The following PRICKLE1 variants were observed in gnomAD, a reference collection of about 807,000 sequenced individuals.
PRICKLE1 encodes prickle planar cell polarity protein 1.
Under a neutral mutation model 70.2 loss-of-function variants are expected in PRICKLE1, and 14 were observed. The observed-to-expected ratio is 0.20, with a 90% CI of 0.13 to 0.31. PRICKLE1 has a LOEUF of 0.31. PRICKLE1 is among the 10% of genes least tolerant of loss of function. The probability of loss-of-function intolerance (pLI) is 1.00; values close to 1 mark genes in which losing one functional copy is unlikely to be tolerated. For missense variants in PRICKLE1, 821 were observed against 1,026.2 expected (o/e 0.80, Z 2.73); for synonymous variants, 357 against 379.9 (o/e 0.94, Z 0.70).
At chr12:42,568,760 A>T (rs1021624001) in intron 1 of PRICKLE1, among the ~76,000 whole-genome samples, 3 of 152,216 alleles carry the variant, frequency 2.0e-5, no homozygotes, top group Admixed American at 1.3e-4. Context: ...ATGATGGCGA[A>T]GTCTAGTCTT....
intron 1 of PRICKLE1, among the ~76,000 whole-genome samples, chr12:42,534,405 C>T (rs1939982537): frequency 1.3e-5 from 2 of 152,100 alleles, no homozygotes; most frequent in African/African-American, 4.8e-5. Context: ...TGGGAGGATG[C>T]CAGAGCTATT....
chr12:42,500,006 C>A (rs2140180663), intron 1 of PRICKLE1, among the ~76,000 whole-genome samples: 1 of 152,260 alleles, frequency 6.6e-6, no homozygotes, highest in South Asian at 2.1e-4. Flanking sequence ...CTGCCTTGGC[C>A]TCCCAAAGGG....
intron 1 of PRICKLE1, among the ~76,000 whole-genome samples, chr12:42,476,243 C>T (rs879526054): frequency 6.0e-5 from 9 of 150,704 alleles, no homozygotes; most frequent in Admixed American, 2.6e-4. Flanking sequence ...AATGCAATGG[C>T]GCCATCTTGG....
chr12:42,499,135 T>G (rs1031205562), intron 1 of PRICKLE1, among the ~76,000 whole-genome samples: 1 of 152,022 alleles, frequency 6.6e-6, no homozygotes, highest in Non-Finnish European at 1.5e-5. Context: ...AGTACTCATA[T>G]GCTAGGCATT....
intron 3 of PRICKLE1, chr12:42,469,827 AAC>A (rs1938244979): frequency 3.8e-6 from 2 of 529,074 alleles, no homozygotes; most frequent in Admixed American, 7.6e-5. Flanking sequence ...AACCCTTATC[AAC>A]ACAGAATTAA....
chr12:42,515,526 C>T (rs1255783835), intron 1 of PRICKLE1, among the ~76,000 whole-genome samples: 3 of 152,188 alleles, frequency 2.0e-5, no homozygotes, highest in African/African-American at 7.2e-5. Flanking sequence ...AGCCACCGTG[C>T]CCAGCCCCTA....
chr12:42,551,443 G>A (rs1460821113), intron 1 of PRICKLE1, among the ~76,000 whole-genome samples: 1 of 150,778 alleles, frequency 6.6e-6, no homozygotes, highest in African/African-American at 2.4e-5. Flanking sequence ...AAAGCTCCCA[G>A]TAATACTAAC....
At chr12:42,581,553 T>G (rs900172186) in intron 1 of PRICKLE1, among the ~76,000 whole-genome samples, 3 of 152,026 alleles carry the variant, frequency 2.0e-5, no homozygotes, top group African/African-American at 7.2e-5. Context: ...AAGACCAGCC[T>G]GGTCAACACA....
chr12:42,546,573 G>A (rs1446741084), intron 1 of PRICKLE1, among the ~76,000 whole-genome samples: 3 of 152,122 alleles, frequency 2.0e-5, no homozygotes. Context: ...GGCCAACATG[G>A]CGAAACCCTG....
rs67217830 is a variant in PRICKLE1 at position 42,469,369 on chromosome 12, C to G, written c.384+81G>C. On this transcript the variant is annotated intron_variant, in intron 4 of 7. Coordinates refer to ENST00000345127, the MANE Select transcript of PRICKLE1 (RefSeq NM_153026.3). ...GAGGCTTTCAGGACCCACACCTCTG[C>G]TAGTCCAGTCACCTACCCCCGACTG... is the stretch of plus-strand genomic sequence containing the variant. 0.083 allele frequency: 128,391 copies of G among 1,551,154 alleles called. 6,656 individuals carry two copies. Among genetic ancestry groups the G allele is most frequent in the African/African-American group, 0.23 (16,768 of 73,790 alleles).
At chr12:42,540,218 T>C (rs371391558) in intron 1 of PRICKLE1, among the ~76,000 whole-genome samples, 2 of 152,246 alleles carry the variant, frequency 1.3e-5, no homozygotes, top group East Asian at 3.8e-4. Flanking sequence ...GTGGAGAGGA[T>C]AACTGATAGA....
chr12:42,533,689 A>AAG (rs1361856295), intron 1 of PRICKLE1, among the ~76,000 whole-genome samples: 2 of 151,876 alleles, frequency 1.3e-5, no homozygotes, highest in Non-Finnish European at 2.9e-5. Flanking sequence ...ACAAAAAATA[A>AAG]AGAGAGAGAG....
At chr12:42,554,076 C>T (rs1177595328) in intron 1 of PRICKLE1, among the ~76,000 whole-genome samples, 2 of 152,168 alleles carry the variant, frequency 1.3e-5, no homozygotes, top group African/African-American at 4.8e-5. Flanking sequence ...TGCACTCCAG[C>T]CTGGGCGACA....
intron 1 of PRICKLE1, among the ~76,000 whole-genome samples, chr12:42,497,212 G>T (rs1473817546): frequency 6.6e-6 from 1 of 152,148 alleles, no homozygotes; most frequent in Non-Finnish European, 1.5e-5. Flanking sequence ...GGAGAAAGAT[G>T]AGGGAAAGGC....
chr12:42,506,508 C>T (rs975757834), intron 1 of PRICKLE1, among the ~76,000 whole-genome samples: 4 of 150,752 alleles, frequency 2.7e-5, no homozygotes, highest in South Asian at 2.1e-4. Flanking sequence ...CCACCCACCT[C>T]GGCCTCCCAA....
Position 42,577,622 on chromosome 12 carries a change from A to C in PRICKLE1, c.-49+11843T>G, listed in dbSNP as rs116789480. On this transcript the variant is annotated intron_variant, in intron 1 of 7. Transcript: ENST00000345127. ...GCCTCCACATTTTTAGAGTCAAGTA[A>C]ATTTTGAGCTTAAAAAATCATCAGC... Among the ~76,000 whole-genome samples the C allele has an allele frequency of 2.8e-4, 43 of 152,278 alleles. 1 individual carries two copies. Among genetic ancestry groups the C allele is most frequent in the African/African-American group, 1.0e-3 (42 of 41,566 alleles).
At position 42,496,692 on chromosome 12, in the gene PRICKLE1, ACTTT is replaced by A. The variant is rs1383702952; in HGVS notation, c.-48-24132_-48-24129del. 7.4e-4 allele frequency among the ~76,000 whole-genome samples: 112 copies of A among 152,286 alleles called. 1 individual carries two copies. The highest frequency in any genetic ancestry group is 2.6e-3 in the African/African-American group (109 of 41,528). On this transcript the variant is annotated intron_variant, in intron 1 of 7. Transcript: ENST00000345127. ...ATCACCACTCGCTACTTCACCTTGC[ACTTT>A]CATGTTAGAGAGATGGCTTCTTTCC... is the stretch of plus-strand genomic sequence containing the variant.
intron 1 of PRICKLE1, among the ~76,000 whole-genome samples, chr12:42,534,135 T>C (rs1246868959): frequency 6.6e-6 from 1 of 151,910 alleles, no homozygotes; most frequent in Non-Finnish European, 1.5e-5. Flanking sequence ...TAATTACAGA[T>C]GGTGGTCAGG....
intron 1 of PRICKLE1, among the ~76,000 whole-genome samples, chr12:42,520,029 G>A (rs1251799666): frequency 6.6e-6 from 1 of 152,164 alleles, no homozygotes; most frequent in Non-Finnish European, 1.5e-5. Flanking sequence ...CTCCATACAA[G>A]TTCTGATAAG....
Sources: allele counts gnomAD v4.1 joint callset (sites outside exome capture counted in the v4.1 genomes callset), GRCh38; gene constraint gnomAD v4.1.1; transcripts MANE v1.5; gene names NCBI Gene and HGNC (gene_info 2026-07-23, HGNC 2026-07-21).